MYH13: variants seen among roughly 807,000 people sequenced by gnomAD.
MYH13 encodes the protein myosin heavy chain 13, also known as myosin-13.
A neutral mutation model predicts 232.1 loss-of-function variants in MYH13; 177 were observed. That is an observed-to-expected ratio of 0.76 (90% CI 0.67 to 0.86). MYH13 has a LOEUF of 0.86. MYH13 is among the 40% of genes least tolerant of loss of function. The pLI is 0.00. For missense variants in MYH13, 2,246 were observed against 2,405.9 expected (o/e 0.93, Z 1.39); for synonymous variants, 884 against 923.5 (o/e 0.96, Z 0.78).
chr17:10,364,292 C>T (rs1343602679), intron 3 of MYH13, 35 bp downstream of exon 3: 12 of 1,581,496 alleles, frequency 7.6e-6, no homozygotes, highest in Non-Finnish European at 1.0e-5. Context: ...ATGAGCATGC[C>T]CATATTATCA....
At chr17:10,328,767 T>A (rs1309532793) in intron 21 of MYH13, among the ~76,000 whole-genome samples, 1 of 147,846 alleles carries the variant, frequency 6.8e-6, no homozygotes, top group Non-Finnish European at 1.5e-5. Context: ...AACCTCCGCC[T>A]CCTAGGTTCA....
chr17:10,366,087 TCCACAG>T (rs1567674522), intron 2 of MYH13, among the ~76,000 whole-genome samples: 2 of 152,074 alleles, frequency 1.3e-5, no homozygotes, highest in Non-Finnish European at 2.9e-5. Flanking sequence ...AGCTCTCTGG[TCCACAG>T]CCTCTTCCCA....
At position 10,300,873 on chromosome 17, in the gene MYH13, T is replaced by C; in HGVS notation, c.*78A>G. 7 of 1,419,698 alleles carry C rather than the reference T, an allele frequency of 4.9e-6. No individual in the cohort carries two copies. Among genetic ancestry groups the C allele is most frequent in the Non-Finnish European group, 6.9e-6 (7 of 1,012,224 alleles). The allele number at this position is 1,419,698 out of a possible 1,614,324, so 87.9% of individuals were successfully genotyped here. On this transcript the variant is annotated 3_prime_UTR_variant, in exon 41 of 41. Coordinates refer to ENST00000252172, the MANE Select transcript of MYH13 (RefSeq NM_003802.3). The stretch of plus-strand genomic sequence containing the variant: ...CACAGCAGAGCCGGGAATCCGAGTA[T>C]TTAGGAGAATTTATTTCTCACACAT...
At position 10,328,086 on chromosome 17, in the gene MYH13, G is replaced by C. The variant is rs763125452; in HGVS notation, c.2471C>G (p.Ser824Cys). 1.2e-6 allele frequency: 2 copies of C among 1,614,122 alleles called. No individual in the cohort carries two copies. Among genetic ancestry groups the C allele is most frequent in the Middle Eastern group, 1.7e-4 (1 of 6,060 alleles). The change falls in exon 22 of 41, where the codon TCT becomes TGT. Residue 824 changes from serine (S) to cysteine (C), a missense_variant. Coordinates refer to ENST00000252172, the MANE Select transcript of MYH13 (RefSeq NM_003802.3). ...GGGCCAGTGCTTGACGTTCATAAAAGAGCGGATGTTGTACTGGATGCAGAA... is the reference window on the plus strand; with the variant it reads ...GGGCCAGTGCTTGACGTTCATAAAACAGCGGATGTTGTACTGGATGCAGAA... ...SIFCIQYNIR[S>C]FMNVKHWPWM... is the part of the protein sequence containing the mutation.
chr17:10,303,380 T>G lies in MYH13; in HGVS notation c.5571+14A>C. ...CCATACAGCATTCACTGAGGAGGTT[T>G]TTGGGACCCCTACCTGGTAAGTCAT... is the stretch of plus-strand genomic sequence containing the variant. On this transcript the variant is annotated intron_variant, in intron 38 of 40. Transcript: ENST00000252172. 1 of 1,613,840 alleles carries G rather than the reference T, an allele frequency of 6.2e-7. No homozygotes were observed. Among genetic ancestry groups the G allele is most frequent in the Non-Finnish European group, 8.5e-7 (1 of 1,179,784 alleles).
At position 10,320,225 on chromosome 17, in the gene MYH13, A is replaced by G. The variant is rs1182891864; in HGVS notation, c.3276T>C (p.Ser1092=). Reference sequence around the variant, plus strand: ...CGTCATCTATTTTGGCTTGTAACTGACTGAGTTCAAACTCCTTCCTGCAAA... The same window carrying G: ...CGTCATCTATTTTGGCTTGTAACTGGCTGAGTTCAAACTCCTTCCTGCAAA... ...EKLKKKEFEL[S]QLQAKIDDEQ... is the part of the protein sequence containing the mutation. The change falls in exon 26 of 41, where the codon AGT becomes AGC. Residue 1092 remains serine (S), a synonymous_variant. Coordinates refer to ENST00000252172, the MANE Select transcript of MYH13 (RefSeq NM_003802.3). 6.2e-7 allele frequency: 1 copy of G among 1,604,806 alleles called. No individual in the cohort carries two copies. Among genetic ancestry groups the G allele is most frequent in the South Asian group, 1.1e-5 (1 of 89,420 alleles).
At position 10,312,707 on chromosome 17, in the gene MYH13, G is replaced by A. The variant is rs757283120; in HGVS notation, c.4232C>T (p.Ala1411Val). The A allele has an allele frequency of 9.9e-6, 16 of 1,613,500 alleles. No homozygotes were observed. The highest frequency in any genetic ancestry group is 6.7e-5 in the East Asian group (3 of 44,854). The change falls in exon 31 of 41, where the codon GCG becomes GTG. Residue 1411 changes from alanine to valine, a missense_variant. Ala to Val is a moderately conservative substitution (Grantham distance 64, BLOSUM62 0). Transcript: ENST00000252172. ...CTCCAACGATGCGCACTTGGAGTTC[G>A]CCGTCTCCGTGTTCTCCTCTGCTTC... Reference protein sequence around the residue: ...LQEAEENTETANSKCASLEKT... With the variant: ...LQEAEENTETVNSKCASLEKT...
rs1462164257 is a variant in MYH13, at chr17:10,316,016, CTA to C, written c.3746_3747del (p.Ile1249ArgfsTer12). On this transcript the variant is annotated frameshift_variant, in exon 28 of 41. Coordinates refer to ENST00000252172, the MANE Select transcript of MYH13 (RefSeq NM_003802.3). LOFTEE classifies it high-confidence loss of function. ...TCTTCTACCGTCCGGCACGTTCTTTCTATGTTACTCTTTAACAAACAGAAAGT... is the reference window on the plus strand; with the variant it reads ...TCTTCTACCGTCCGGCACGTTCTTTCTGTTACTCTTTAACAAACAGAAAGT... ...IEALSKSKSN[I>X]ERTCRTVEDQ... The C allele has an allele frequency of 6.2e-7, 1 of 1,613,884 alleles. No individual in the cohort carries two copies. Among genetic ancestry groups the C allele is most frequent in the Non-Finnish European group, 8.5e-7 (1 of 1,179,904 alleles).
chr17:10,359,732 G>T (rs2071777217), intron 7 of MYH13, among the ~76,000 whole-genome samples: 1 of 152,140 alleles, frequency 6.6e-6, no homozygotes, highest in Non-Finnish European at 1.5e-5. Flanking sequence ...GAATTGAATT[G>T]TAGGACACCC....
chr17:10,354,382 A>G (rs1053765974), intron 11 of MYH13, among the ~76,000 whole-genome samples: 2 of 152,210 alleles, frequency 1.3e-5, no homozygotes, highest in African/African-American at 4.8e-5. Context: ...ACTTTCAACG[A>G]ATGTTAGGTT....
intron 12 of MYH13, among the ~76,000 whole-genome samples, chr17:10,347,421 T>C (rs555358531): frequency 6.6e-6 from 1 of 152,256 alleles, no homozygotes; most frequent in African/African-American, 2.4e-5. Context: ...TACGTTAAAA[T>C]GTTATATGAG....
intron 23 of MYH13, 65 bp downstream of exon 23, chr17:10,323,957 C>G (rs548960681): frequency 2.8e-4 from 449 of 1,583,030 alleles, no homozygotes; most frequent in Non-Finnish European, 3.6e-4. Flanking sequence ...CACCCTTTCT[C>G]CTCCTTACAG....
At chr17:10,312,168 T>C in intron 31 of MYH13, 92 bp from the exon 32 acceptor site, 1 of 1,426,804 alleles carries the variant, frequency 7.0e-7, no homozygotes, top group Non-Finnish European at 9.6e-7. Context: ...ACACCAACGT[T>C]TTGCCCTTCC....
chr17:10,353,320 C>T (rs1300317307), intron 11 of MYH13, among the ~76,000 whole-genome samples: 1 of 152,094 alleles, frequency 6.6e-6, no homozygotes, highest in East Asian at 1.9e-4. Flanking sequence ...CCTAAGATAA[C>T]AAGTTTATTT....
chr17:10,344,203 T>C, intron 15 of MYH13, 94 bp from the exon 16 acceptor site: 1 of 1,509,374 alleles, frequency 6.6e-7, no homozygotes, highest in Non-Finnish European at 8.9e-7. Flanking sequence ...GCTTTCACTC[T>C]GGTACCAGGA....
chr17:10,313,190 G>T lies in MYH13; in HGVS notation c.4149C>A (p.Ala1383=). ...AQWRTKYETD[A]IQRTEELEEA... ...CCTCCAGCTCCTCTGTGCGCTGAAT[G>T]GCGTCCGTCTCGTATTTGGTCCTCC... Residue 1383 remains alanine, a synonymous_variant, in exon 30 of 41, where the codon GCC becomes GCA. Coordinates refer to ENST00000252172, the MANE Select transcript of MYH13 (RefSeq NM_003802.3). 1 of 1,614,162 alleles carries T rather than the reference G, an allele frequency of 6.2e-7. No individual in the cohort carries two copies. Among genetic ancestry groups the T allele is most frequent in the Non-Finnish European group, 8.5e-7 (1 of 1,180,024 alleles).
At chr17:10,318,542 C>T (rs2142229936) in intron 27 of MYH13, among the ~76,000 whole-genome samples, 1 of 152,224 alleles carries the variant, frequency 6.6e-6, no homozygotes, top group Non-Finnish European at 1.5e-5. Flanking sequence ...TTCCCAGCCT[C>T]CAAAATTGTG....
At chr17:10,358,970 C>G (rs1365898192) in intron 7 of MYH13, among the ~76,000 whole-genome samples, 6 of 152,212 alleles carry the variant, frequency 3.9e-5, no homozygotes, top group Non-Finnish European at 7.3e-5. Flanking sequence ...GGTGATGGAG[C>G]TGGTGCTAGA....
At position 10,338,355 on chromosome 17, in the gene MYH13, AT is replaced by A. The variant is rs573440216; in HGVS notation, c.2056+1794del. Among the ~76,000 whole-genome samples, 483 of 152,144 alleles carry A rather than the reference AT, an allele frequency of 3.2e-3. 3 individuals carry two copies. Among genetic ancestry groups the A allele is most frequent in the African/African-American group, 0.011 (465 of 41,504 alleles). On this transcript the variant is annotated intron_variant, in intron 18 of 40. Transcript: ENST00000252172. Reference sequence around the variant, plus strand: ...TGCCCCAGATAATGCATATATCACAATGATGTAGTTGGTTATTGCTTTTGAC... The same window carrying A: ...TGCCCCAGATAATGCATATATCACAAGATGTAGTTGGTTATTGCTTTTGAC...
Sources: allele counts gnomAD v4.1 joint callset (sites outside exome capture counted in the v4.1 genomes callset), GRCh38; gene constraint gnomAD v4.1.1; transcripts MANE v1.5; gene names NCBI Gene and HGNC (gene_info 2026-07-23, HGNC 2026-07-21).